DRC11: variants seen among roughly 807,000 people sequenced by gnomAD.
The protein encoded by DRC11 is dynein regulatory complex subunit 11.
At chr2:236,364,973 T>C in the DRC11 span, among the ~76,000 whole-genome samples, 31 of 152,296 alleles carry the variant, frequency 2.0e-4, no homozygotes, top group African/African-American at 7.5e-4. Context: ...CGTAACTCAA[T>C]GAGCATGCCT....
chr2:236,445,499 C>CTT, the DRC11 span, among the ~76,000 whole-genome samples: 1 of 144,372 alleles, frequency 6.9e-6, no homozygotes. The surrounding 1 kb of genome is among the most constrained non-coding windows in gnomAD (Gnocchi z 4.8). Flanking sequence ...TGCTTGACTA[C>CTT]TTTTTTTTTT....
the DRC11 span, among the ~76,000 whole-genome samples, chr2:236,448,847 G>C: frequency 6.6e-6 from 1 of 151,888 alleles, no homozygotes; most frequent in Non-Finnish European, 1.5e-5. This position sits in a 1 kb window ranked among gnomAD's most constrained non-coding sequence, Gnocchi z 5.3. Context: ...GACAGAGGGC[G>C]CTGTTAGTTT....
the DRC11 span, among the ~76,000 whole-genome samples, chr2:236,385,156 T>G: frequency 6.6e-6 from 1 of 151,834 alleles, no homozygotes; most frequent in Non-Finnish European, 1.5e-5. Flanking sequence ...TCTTTTTTGG[T>G]TCCATATGAA....
chr2:236,356,342 G>A, the DRC11 span, among the ~76,000 whole-genome samples: 1 of 152,200 alleles, frequency 6.6e-6, no homozygotes, highest in Non-Finnish European at 1.5e-5. Flanking sequence ...GGAAGAAGCA[G>A]GATGGCCTTC....
At chr2:236,459,208 G>C in the DRC11 span, among the ~76,000 whole-genome samples, 1 of 152,026 alleles carries the variant, frequency 6.6e-6, no homozygotes, top group Non-Finnish European at 1.5e-5. Context: ...ATTTTACAAT[G>C]CTTGCAACGA....
At chr2:236,313,620 C>T in the DRC11 span, among the ~76,000 whole-genome samples, 1 of 152,166 alleles carries the variant, frequency 6.6e-6, no homozygotes, top group South Asian at 2.1e-4. This position sits in a 1 kb window ranked among gnomAD's most constrained non-coding sequence, Gnocchi z 4.5. Flanking sequence ...ATCCTCATAG[C>T]AACTTTATTT....
At chr2:236,379,123 G>A in the DRC11 span, among the ~76,000 whole-genome samples, 124 of 152,262 alleles carry the variant, frequency 8.1e-4, 1 homozygote, top group East Asian at 0.021. Context: ...TCTTCCCCCC[G>A]CAGAGAGCTC....
chr2:236,357,632 TATA>T, the DRC11 span, among the ~76,000 whole-genome samples: 115 of 106,582 alleles, frequency 1.1e-3, no homozygotes, highest in Non-Finnish European at 1.6e-3. Context: ...TAAATATGCA[TATA>T]ATATGTAAAT....
chr2:236,490,887 C>G, the DRC11 span, among the ~76,000 whole-genome samples: 1 of 148,024 alleles, frequency 6.8e-6, no homozygotes, highest in Non-Finnish European at 1.5e-5. The surrounding 1 kb of genome is among the most constrained non-coding windows in gnomAD (Gnocchi z 5.5). Context: ...CAGTACGTAT[C>G]CCAAGAAGAA....
At chr2:236,371,033 G>A in the DRC11 span, among the ~76,000 whole-genome samples, 1 of 152,162 alleles carries the variant, frequency 6.6e-6, no homozygotes, top group Non-Finnish European at 1.5e-5. The surrounding 1 kb of genome is among the most constrained non-coding windows in gnomAD (Gnocchi z 5.1). Context: ...AAGCAACTTC[G>A]TGTCCAGCGG....
the DRC11 span, chr2:236,488,025 C>A: frequency 6.3e-7 from 1 of 1,599,480 alleles, no homozygotes. Context: ...TGCAGCAGCC[C>A]AGGTATCTGT....
At chr2:236,429,728 G>A in the DRC11 span, among the ~76,000 whole-genome samples, 16 of 152,210 alleles carry the variant, frequency 1.1e-4, no homozygotes, top group East Asian at 2.9e-3. The surrounding 1 kb of genome is among the most constrained non-coding windows in gnomAD (Gnocchi z 5.9). Context: ...TGGGTGGGTC[G>A]GTGGGCTGTG....
chr2:236,460,073 T>G, the DRC11 span, among the ~76,000 whole-genome samples: 6 of 152,222 alleles, frequency 3.9e-5, no homozygotes, highest in Admixed American at 2.6e-4. This position sits in a 1 kb window ranked among gnomAD's most constrained non-coding sequence, Gnocchi z 4.0. Flanking sequence ...TATTTGCTTT[T>G]TATTTGCCTT....
chr2:236,363,585 G>A, the DRC11 span, among the ~76,000 whole-genome samples: 2 of 152,180 alleles, frequency 1.3e-5, no homozygotes, highest in African/African-American at 4.8e-5. The surrounding 1 kb of genome is among the most constrained non-coding windows in gnomAD (Gnocchi z 5.6). Flanking sequence ...GCACAGTAGG[G>A]TGCTTACGGA....
the DRC11 span, chr2:236,344,540 C>T: frequency 5.0e-6 from 8 of 1,590,250 alleles, no homozygotes; most frequent in Non-Finnish European, 6.9e-6. Flanking sequence ...AAAAGTAAGG[C>T]ATGAGAAAGT....
At chr2:236,497,160 T>A in the DRC11 span, 2 of 1,602,672 alleles carry the variant, frequency 1.2e-6, no homozygotes, top group Non-Finnish European at 1.7e-6. The surrounding 1 kb of genome is among the most constrained non-coding windows in gnomAD (Gnocchi z 5.1). Flanking sequence ...ACAGAGTGCT[T>A]ACGGGGGCCA....
chr2:236,374,822 C>G, the DRC11 span, among the ~76,000 whole-genome samples: 3 of 151,036 alleles, frequency 2.0e-5, no homozygotes, highest in African/African-American at 7.3e-5. Flanking sequence ...TCCTGAGTAA[C>G]TGGGATTACA....
chr2:236,332,404 G>A, the DRC11 span: 1 of 152,186 alleles, frequency 6.6e-6, no homozygotes, highest in African/African-American at 2.4e-5. The surrounding 1 kb of genome is among the most constrained non-coding windows in gnomAD (Gnocchi z 5.1). Context: ...GGAGCACAAG[G>A]GAAGTAAAGG....
chr2:236,433,729 T>G, the DRC11 span, among the ~76,000 whole-genome samples: 1 of 152,328 alleles, frequency 6.6e-6, no homozygotes, highest in South Asian at 2.1e-4. Context: ...TTGCCTCTTC[T>G]GTTCCCCTTT....
Sources: gnomAD v4.1 joint callset for allele counts (sites outside exome capture counted in the v4.1 genomes callset) on GRCh38, gnomAD v4.1.1 for gene constraint, Gnocchi (gnomAD v3.1) non-coding constraint, MANE v1.5 for transcripts, NCBI Gene and HGNC (gene_info 2026-07-23, HGNC 2026-07-21) for gene names.